Variants in MAGI2 observed in about 807,000 individuals in gnomAD.
MAGI2 encodes membrane-associated guanylate kinase, WW and PDZ domain-containing protein 2.
A neutral mutation model predicts 133.3 loss-of-function variants in MAGI2; 35 were observed. The ratio of observed to expected loss-of-function variants is 0.26; its 90% CI spans 0.20 to 0.35. The LOEUF is 0.35. Ranked by LOEUF, MAGI2 falls within the 10% of genes least tolerant of loss-of-function variation. The pLI is 1.00. For synonymous variants in MAGI2, 729 were observed against 710.6 expected (o/e 1.03, Z -0.41); for missense variants, 1,636 against 1,863.4 (o/e 0.88, Z 2.25).
intron 21 of MAGI2, among the ~76,000 whole-genome samples, chr7:78,060,199 T>A (rs1813076107): frequency 6.6e-6 from 1 of 150,520 alleles, no homozygotes; most frequent in African/African-American, 2.4e-5. Context: ...ATACATTACA[T>A]GAGAATAAGT....
intron 2 of MAGI2, among the ~76,000 whole-genome samples, chr7:78,724,789 T>C (rs1301625266): frequency 6.6e-6 from 1 of 152,184 alleles, no homozygotes; most frequent in East Asian, 1.9e-4. Context: ...ACCTAACTTT[T>C]GAGTTTCAAC....
At chr7:78,458,024 G>A (rs1035869370) in intron 6 of MAGI2, among the ~76,000 whole-genome samples, 14 of 152,028 alleles carry the variant, frequency 9.2e-5, no homozygotes, top group African/African-American at 3.1e-4. Flanking sequence ...TAGGCTGGGC[G>A]TGGTGGCTAA....
intron 21 of MAGI2, among the ~76,000 whole-genome samples, chr7:78,060,862 T>G (rs1327492573): frequency 6.6e-6 from 1 of 152,084 alleles, no homozygotes; most frequent in African/African-American, 2.4e-5. Flanking sequence ...ACGGATGGCT[T>G]GGGGATGCAC....
intron 6 of MAGI2, among the ~76,000 whole-genome samples, chr7:78,377,245 G>A (rs1443454757): frequency 2.0e-5 from 3 of 152,084 alleles, no homozygotes; most frequent in Non-Finnish European, 4.4e-5. Flanking sequence ...AACTTCAAAA[G>A]TTATATATAA....
intron 3 of MAGI2, among the ~76,000 whole-genome samples, chr7:78,601,585 A>G (rs1271139039): frequency 6.6e-6 from 1 of 152,134 alleles, no homozygotes; most frequent in Non-Finnish European, 1.5e-5. Context: ...ATTTACGGGC[A>G]TTTTTATAAG....
At chr7:78,037,810 C>G (rs935042794) in intron 21 of MAGI2, among the ~76,000 whole-genome samples, 1 of 152,190 alleles carries the variant, frequency 6.6e-6, no homozygotes, top group Admixed American at 6.5e-5. Context: ...AAAAAGATCT[C>G]AGAGCTGAGG....
rs148447605 is a variant in MAGI2 at position 78,678,222 on chromosome 7, T to C, written c.419-50983A>G. ...TTTTATTTATCTTTTAAAATGTTTA[T>C]TGGCAATTTTATGTAGCCTACTACT... On this transcript the variant is annotated intron_variant, in intron 2 of 21. Coordinates refer to ENST00000354212, the MANE Select transcript of MAGI2 (RefSeq NM_012301.4). 2.8e-3 allele frequency among the ~76,000 whole-genome samples: 432 copies of C among 152,294 alleles called. 4 individuals carry two copies. The highest frequency in any genetic ancestry group is 9.6e-3 in the African/African-American group (401 of 41,562).
chr7:78,284,719 G>T (rs938451104), intron 9 of MAGI2, among the ~76,000 whole-genome samples: 3 of 152,162 alleles, frequency 2.0e-5, no homozygotes, highest in African/African-American at 7.2e-5. Flanking sequence ...TTTGTCTTCA[G>T]TGGAGAAACT....
At chr7:79,243,593 T>C (rs1366477516) in intron 1 of MAGI2, among the ~76,000 whole-genome samples, 1 of 152,146 alleles carries the variant, frequency 6.6e-6, no homozygotes, top group Non-Finnish European at 1.5e-5. Flanking sequence ...GAAAAAAGAA[T>C]TTTAAATCTG....
intron 1 of MAGI2, among the ~76,000 whole-genome samples, chr7:79,418,984 C>T (rs1846748698): frequency 6.6e-6 from 1 of 151,832 alleles, no homozygotes; most frequent in Non-Finnish European, 1.5e-5. Flanking sequence ...AACAATGCTA[C>T]CCCAATGCCA....
At chr7:79,214,440 T>A (rs1422645737) in intron 1 of MAGI2, among the ~76,000 whole-genome samples, 4 of 121,342 alleles carry the variant, frequency 3.3e-5, no homozygotes, top group Admixed American at 8.9e-5. Context: ...TATATATATA[T>A]ATAAATATGC....
Position 78,912,799 on chromosome 7 carries a change from CATATATATATATATCATTCAT to C in MAGI2, c.418+94270_418+94290del, listed in dbSNP as rs1798508847. ...ATATCATTCATATATATATATCATT[CATATATATATATATCATTCAT>C]ATATATATATATATTCCACTTCATA... On this transcript the variant is annotated intron_variant, in intron 2 of 21. Transcript: ENST00000354212. Among the ~76,000 whole-genome samples, 3 of 136,924 alleles carry C rather than the reference CATATATATATATATCATTCAT, an allele frequency of 2.2e-5. No individual in the cohort carries two copies. In the Admixed American group the frequency reaches 2.2e-4, roughly 10 times the overall value. The allele number at this position is 136,924 out of a possible 152,430, so 89.8% of individuals were successfully genotyped here. A position where few individuals can be genotyped will look rare whatever the true frequency, so the allele number is the denominator to read the frequency against.
At position 78,339,354 on chromosome 7, in the gene MAGI2, A is replaced by T. The variant is rs185381359; in HGVS notation, c.1408+4424T>A. 7.2e-5 allele frequency among the ~76,000 whole-genome samples: 11 copies of T among 152,074 alleles called. No individual in the cohort carries two copies. In the East Asian group the frequency reaches 2.1e-3, roughly 29 times the overall value. On this transcript the variant is annotated intron_variant, in intron 9 of 21. Coordinates refer to ENST00000354212, the MANE Select transcript of MAGI2 (RefSeq NM_012301.4). ...GAAGACAATCTGCTAAATTCTAAAT[A>T]AAGCTTTGACTTTGTGGTTGAATAA...
intron 20 of MAGI2, among the ~76,000 whole-genome samples, chr7:78,120,730 G>A (rs1584002561): frequency 1.3e-5 from 2 of 151,864 alleles, no homozygotes; most frequent in South Asian, 2.1e-4. Context: ...GACCGGGCGC[G>A]GTGGCTCACG....
chr7:78,928,018 A>G (rs1356743655), intron 2 of MAGI2, among the ~76,000 whole-genome samples: 1 of 151,976 alleles, frequency 6.6e-6, no homozygotes, highest in Non-Finnish European at 1.5e-5. Flanking sequence ...AAAGTTCTGA[A>G]GTCAAATATT....
chr7:79,317,177 T>C (rs1325178002), intron 1 of MAGI2, among the ~76,000 whole-genome samples: 2 of 151,752 alleles, frequency 1.3e-5, no homozygotes, highest in Admixed American at 1.3e-4. Context: ...CATGTGCCAC[T>C]AATCCCGGCT....
At chr7:78,100,334 C>T (rs1818099486) in intron 20 of MAGI2, among the ~76,000 whole-genome samples, 1 of 152,060 alleles carries the variant, frequency 6.6e-6, no homozygotes, top group Non-Finnish European at 1.5e-5. Flanking sequence ...TATGCTTGTT[C>T]CACATCCTCC....
intron 1 of MAGI2, among the ~76,000 whole-genome samples, chr7:79,359,219 G>A (rs1486447684): frequency 6.6e-6 from 1 of 151,968 alleles, no homozygotes; most frequent in Non-Finnish European, 1.5e-5. Flanking sequence ...CTCCCTGGAT[G>A]GACTTAATAA....
chr7:78,374,117 G>A (rs1318594090), intron 6 of MAGI2, among the ~76,000 whole-genome samples: 1 of 152,172 alleles, frequency 6.6e-6, no homozygotes, highest in Non-Finnish European at 1.5e-5. Flanking sequence ...TGTATACCCT[G>A]TAACAGGATT....
Sources: allele counts gnomAD v4.1 joint callset (sites outside exome capture counted in the v4.1 genomes callset), GRCh38; gene constraint gnomAD v4.1.1; transcripts MANE v1.5; gene names NCBI Gene and HGNC (gene_info 2026-07-23, HGNC 2026-07-21).